The following ERCC2 variants were observed in gnomAD, a reference collection of about 807,000 sequenced individuals.
ERCC2 encodes general transcription and DNA repair factor IIH helicase subunit XPD.
A neutral mutation model predicts 99.4 loss-of-function variants in ERCC2; 90 were observed. The ratio of observed to expected loss-of-function variants is 0.91; its 90% CI spans 0.76 to 1.08. The LOEUF is 1.08. ERCC2 is among the 50% of genes least tolerant of loss of function. The pLI is 0.00. For missense variants in ERCC2, 993 were observed against 1,038.1 expected (o/e 0.96, Z 0.60); for synonymous variants, 497 against 432.4 (o/e 1.15, Z -1.85).
At position 45,354,864 on chromosome 19, in the gene ERCC2, A is replaced by C. The variant is rs1419382798; in HGVS notation, c.1544-13T>G. Reference sequence around the variant, plus strand: ...TTCCGGATCACAGCTGCAAGGGGTCAGAGGTTGGGCCCTCTCCTGGCCCAG... The same window carrying C: ...TTCCGGATCACAGCTGCAAGGGGTCCGAGGTTGGGCCCTCTCCTGGCCCAG... On this transcript the variant is annotated splice_polypyrimidine_tract_variant and intron_variant, in intron 16 of 22. Transcript: ENST00000391945. The C allele has an allele frequency of 8.7e-6, 14 of 1,613,760 alleles. No individual in the cohort carries two copies. Among genetic ancestry groups the C allele is most frequent in the Non-Finnish European group, 1.1e-5 (13 of 1,179,854 alleles).
intron 12 of ERCC2, 114 bp from the exon 13 acceptor site, chr19:45,357,813 C>G: frequency 1.0e-6 from 1 of 962,616 alleles, no homozygotes; most frequent in South Asian, 1.4e-5. Flanking sequence ...CCCCGTACTG[C>G]CTGGGAGTAA....
chr19:45,362,785 G>A (rs1378086911), intron 11 of ERCC2, among the ~76,000 whole-genome samples: 1 of 152,202 alleles, frequency 6.6e-6, no homozygotes, highest in Non-Finnish European at 1.5e-5. Context: ...AACCCACATG[G>A]AAGGTGGCCT....
At chr19:45,368,829 C>T in intron 4 of ERCC2, 86 bp from the exon 5 acceptor site, 1 of 1,564,144 alleles carries the variant, frequency 6.4e-7, no homozygotes, top group Non-Finnish European at 8.8e-7. Flanking sequence ...TCTTCCCCAG[C>T]TTCCCAAACA....
At position 45,364,846 on chromosome 19, in the gene ERCC2, G is replaced by T; in HGVS notation, c.586C>A (p.Arg196=). 1 of 1,611,184 alleles carries T rather than the reference G, an allele frequency of 6.2e-7. No homozygotes were observed. Among genetic ancestry groups the T allele is most frequent in the South Asian group, 1.1e-5 (1 of 90,946 alleles). Residue 196 remains arginine (R), a synonymous_variant, in exon 7 of 23, where the codon CGA becomes AGA. Transcript: ENST00000391945. ...RQGWCPYFLA[R]YSILHANVVV... Reference sequence around the variant, plus strand: ...CCCACCAGCCTCCTCACTGAGTATCGAGCAAGGAAGTATGGGCACCAGCCC... The same window carrying T: ...CCCACCAGCCTCCTCACTGAGTATCTAGCAAGGAAGTATGGGCACCAGCCC...
At chr19:45,365,016 C>G in intron 6 of ERCC2, 26 bp downstream of exon 6, 1 of 1,610,982 alleles carries the variant, frequency 6.2e-7, no homozygotes, top group Non-Finnish European at 8.5e-7. Context: ...TCCTGCCTCC[C>G]TCCCTCAGCC....
chr19:45,361,625 A>C lies in ERCC2; in HGVS notation c.1136T>G (p.Leu379Arg). The C allele has an allele frequency of 6.2e-7, 1 of 1,613,686 alleles. No homozygotes were observed. The highest frequency in any genetic ancestry group is 8.5e-7 in the Non-Finnish European group (1 of 1,179,662). The change falls in exon 12 of 23, where the codon CTC becomes CGC. Residue 379 changes from leucine (L) to arginine (R), a missense_variant. Around this residue, in one of 3 missense-constraint regions of ERCC2, gnomAD observed 909 missense variants for 930.8 expected, o/e 0.98. Transcript: ENST00000391945. ...CTCCAGAGTATGCAGCAGGGACCGGAGGCGTTCAGCACAGAATCTGGCGGG... is the reference window on the plus strand; with the variant it reads ...CTCCAGAGTATGCAGCAGGGACCGGCGGCGTTCAGCACAGAATCTGGCGGG... ...RKPLRFCAER[L>R]RSLLHTLEIT...
At position 45,365,033 on chromosome 19, in the gene ERCC2, T is replaced by G. The variant is rs1799785; in HGVS notation, c.477+9A>C. The G allele has an allele frequency of 7.4e-3, 11,880 of 1,612,340 alleles. 630 individuals are homozygous for G. In the East Asian group the frequency reaches 0.13, roughly 17 times the overall value. ...CTGCCTCCCTCCCTCAGCCCTGCCCTCCAGTAACCTCATAGAATCGGCAGT... is the reference window on the plus strand; with the variant it reads ...CTGCCTCCCTCCCTCAGCCCTGCCCGCCAGTAACCTCATAGAATCGGCAGT... On this transcript the variant is annotated intron_variant, in intron 6 of 22. Coordinates refer to ENST00000391945, the MANE Select transcript of ERCC2 (RefSeq NM_000400.4).
rs536457992 is a variant in ERCC2 at position 45,353,511 on chromosome 19, G to A, written c.1666-177C>T. Among the ~76,000 whole-genome samples the A allele has an allele frequency of 2.6e-5, 4 of 152,288 alleles. No individual in the cohort carries two copies. In the South Asian group the frequency reaches 8.3e-4, roughly 32 times the overall value. ...AGTTCTTTGGGGAAACAGTGATCTG[G>A]GTGGGGAACCAATCATTGCTGGATA... On this transcript the variant is annotated intron_variant, in intron 17 of 22. Coordinates refer to ENST00000391945, the MANE Select transcript of ERCC2 (RefSeq NM_000400.4).
In ERCC2 at chr19:45,350,601, G is replaced by C. The variant is rs374863110; in HGVS notation, c.*1028C>G. On this transcript the variant is annotated 3_prime_UTR_variant, in exon 23 of 23. Transcript: ENST00000391945. ...CCTGGGGTGGGCGTGGGGACTGCAT[G>C]GGCCTGGGGGACTGAGCAGCATCCC... 6.2e-7 allele frequency: 1 copy of C among 1,613,600 alleles called. No individual in the cohort carries two copies. Among genetic ancestry groups the C allele is most frequent in the South Asian group, 1.1e-5 (1 of 91,038 alleles).
chr19:45,369,007 C>A lies in ERCC2; in HGVS notation c.184-15G>T, dbSNP rs753539310. On this transcript the variant is annotated splice_polypyrimidine_tract_variant and intron_variant, in intron 3 of 22. Coordinates refer to ENST00000391945, the MANE Select transcript of ERCC2 (RefSeq NM_000400.4). ...AGCGGATATGCCTGCCGATAACAAGCGGACTCAGTCCCTGTCCCGCCCCTT... is the reference window on the plus strand; with the variant it reads ...AGCGGATATGCCTGCCGATAACAAGAGGACTCAGTCCCTGTCCCGCCCCTT... 2 of 1,614,044 alleles carry A rather than the reference C, an allele frequency of 1.2e-6. No individual in the cohort carries two copies. Among genetic ancestry groups the A allele is most frequent in the Non-Finnish European group, 8.5e-7 (1 of 1,179,996 alleles).
Position 45,352,545 on chromosome 19 carries a change from C to CT in ERCC2, c.2006_2007insA (p.Lys671GlnfsTer103), listed in dbSNP as rs1971844960. On this transcript the variant is annotated frameshift_variant, in exon 21 of 23. Coordinates refer to ENST00000391945, the MANE Select transcript of ERCC2 (RefSeq NM_000400.4). LOFTEE classifies it high-confidence loss of function. ...CCATGAGGCCGTAGTCCGTCTTGCC[C>CT]CTGATGGCCCGACCCACACACTGGG... 6.2e-7 allele frequency: 1 copy of CT among 1,614,152 alleles called. No individual in the cohort carries two copies. The highest frequency in any genetic ancestry group is 8.5e-7 in the Non-Finnish European group (1 of 1,180,034).
Position 45,353,320 on chromosome 19 carries a change from G to A in ERCC2, c.1680C>T (p.Asn560=), listed in dbSNP as rs764239667. The change falls in exon 18 of 23, where the codon AAC becomes AAT. Residue 560 remains asparagine, a synonymous_variant. Transcript: ENST00000391945. ...TAAAGAGCAGCTTGTTCCTCTGGATGTTCTCAAGGATCCCCTGGGGAAGGA... is the reference window on the plus strand; with the variant it reads ...TAAAGAGCAGCTTGTTCCTCTGGATATTCTCAAGGATCCCCTGGGGAAGGA... The part of the protein sequence containing the change: ...ASWYEQGILE[N]IQRNKLLFIE... The A allele has an allele frequency of 2.7e-5, 44 of 1,613,744 alleles. No homozygotes were observed. The highest frequency in any genetic ancestry group is 5.0e-5 in the Admixed American group (3 of 59,962).
At chr19:45,351,818 G>T in intron 22 of ERCC2, 97 bp from the exon 23 acceptor site, 1 of 1,057,372 alleles carries the variant, frequency 9.5e-7, no homozygotes, top group South Asian at 1.3e-5. Flanking sequence ...TGGCCAGTAG[G>T]GACAGGATGT....
chr19:45,370,076 C>G, intron 2 of ERCC2, 57 bp downstream of exon 2: 3 of 1,548,398 alleles, frequency 1.9e-6, no homozygotes, highest in Non-Finnish European at 2.7e-6. Flanking sequence ...CTGTCTTAGG[C>G]CCAGGCGTGG....
chr19:45,369,240 A>G, intron 2 of ERCC2, 93 bp from the exon 3 acceptor site: 1 of 938,736 alleles, frequency 1.1e-6, no homozygotes, highest in Non-Finnish European at 1.8e-6. Flanking sequence ...AATGCCACCA[A>G]CTCAGAACAG....
intron 22 of ERCC2, 139 bp downstream of exon 22, chr19:45,352,070 G>A (rs866579046): frequency 1.4e-4 from 147 of 1,030,486 alleles, no homozygotes; most frequent in Middle Eastern, 9.0e-4. Flanking sequence ...AGCCTGGCAC[G>A]TAGATGCACG....
Position 45,363,843 on chromosome 19 carries a change from C to A in ERCC2, c.1018G>T (p.Val340Leu). The A allele has an allele frequency of 6.5e-7, 1 of 1,548,506 alleles. No homozygotes were observed. The highest frequency in any genetic ancestry group is 8.7e-7 in the Non-Finnish European group (1 of 1,153,802). Residue 340 changes from valine to leucine, a missense_variant, in exon 11 of 23, where the codon GTG becomes TTG. Physicochemically the swap from Val to Leu is conservative, Grantham distance 32. Around this residue, in one of 3 missense-constraint regions of ERCC2, gnomAD observed 909 missense variants for 930.8 expected, o/e 0.98. Coordinates refer to ENST00000391945, the MANE Select transcript of ERCC2 (RefSeq NM_000400.4). ...LGFLRRLLEY[V>L]KWRLRVQHVV... ...TGCTGCACACGCAGCCGCCACTTCA[C>A]GTACTCCAGCAGCCGCCTCAGGAAG...
intron 22 of ERCC2, among the ~76,000 whole-genome samples, chr19:45,351,926 G>A (rs566099275): frequency 6.6e-6 from 1 of 152,302 alleles, no homozygotes; most frequent in East Asian, 1.9e-4. Flanking sequence ...GTCGGAGAAG[G>A]ACCGGCTTTC....
chr19:45,353,424 G>T (rs1211092372), intron 17 of ERCC2, 90 bp from the exon 18 acceptor site: 1 of 840,222 alleles, frequency 1.2e-6, no homozygotes, highest in Non-Finnish European at 2.0e-6. Flanking sequence ...ACATCACCAT[G>T]TCTCTGGGCC....
Sources: allele counts gnomAD v4.1 joint callset (sites outside exome capture counted in the v4.1 genomes callset), GRCh38; gene constraint gnomAD v4.1.1; regional missense constraint gnomAD v4.1.1; transcripts MANE v1.5; gene names NCBI Gene and HGNC (gene_info 2026-07-23, HGNC 2026-07-21).